Variants in USP30 observed in about 807,000 individuals in gnomAD.
USP30 encodes the protein ubiquitin specific peptidase 30.
A neutral mutation model predicts 68.2 loss-of-function variants in USP30; 41 were observed. The observed-to-expected ratio is 0.60, with a 90% confidence interval of 0.47 to 0.78. USP30 has a LOEUF of 0.78. Ranked by LOEUF, USP30 falls within the 30% of genes least tolerant of loss-of-function variation. The pLI is 0.00. For missense variants in USP30, 522 were observed against 649.4 expected (o/e 0.80, Z 2.13); for synonymous variants, 229 against 253.7 (o/e 0.90, Z 0.93).
intron 2 of USP30, among the ~76,000 whole-genome samples, chr12:109,026,561 G>T (rs2135648681): frequency 6.6e-6 from 1 of 150,764 alleles, no homozygotes; most frequent in East Asian, 2.0e-4. Flanking sequence ...CCAAGCTCAA[G>T]TGATCCTTCC....
intron 7 of USP30, among the ~76,000 whole-genome samples, chr12:109,079,935 A>T (rs1202704335): frequency 6.6e-6 from 1 of 152,194 alleles, no homozygotes; most frequent in Non-Finnish European, 1.5e-5. Context: ...CATAATAGAG[A>T]CATAGAGAGT....
At chr12:109,041,141 A>G (rs771808325) in intron 3 of USP30, among the ~76,000 whole-genome samples, 5 of 152,208 alleles carry the variant, frequency 3.3e-5, no homozygotes, top group Non-Finnish European at 5.9e-5. Context: ...AAAGAAAACA[A>G]TTGTTTCCTT....
chr12:109,025,678 C>T (rs907514813), intron 2 of USP30, among the ~76,000 whole-genome samples: 7 of 151,828 alleles, frequency 4.6e-5, no homozygotes, highest in Non-Finnish European at 1.0e-4. Context: ...GTGGAACTGC[C>T]ACTTTTTTTT....
At chr12:109,031,525 G>T (rs1566074927) in intron 3 of USP30, among the ~76,000 whole-genome samples, 1 of 152,122 alleles carries the variant, frequency 6.6e-6, no homozygotes. Flanking sequence ...TAAAAACAGG[G>T]ACTCAAACAA....
upstream of USP30, among the ~76,000 whole-genome samples, chr12:109,050,110 A>G (rs915655607): frequency 3.3e-5 from 5 of 152,350 alleles, no homozygotes; most frequent in Middle Eastern, 3.4e-3. Flanking sequence ...CCTGGCCAAT[A>G]TGGTGAAACC....
chr12:109,082,079 C>T lies in USP30; in HGVS notation c.867+60C>T, dbSNP rs113909030. 2.4e-4 allele frequency: 375 copies of T among 1,544,792 alleles called. 1 individual carries two copies. In the African/African-American group the frequency reaches 4.3e-3, roughly 18 times the overall value. On this transcript the variant is annotated intron_variant, in intron 9 of 12. Coordinates refer to ENST00000257548, the MANE Select transcript of USP30 (RefSeq NM_032663.5). ...GCCTGTGTGTGCTGATGTAGCGCCT[C>T]TCACACCAGTGACCCTGAGCTCTTC...
intron 2 of USP30, among the ~76,000 whole-genome samples, chr12:109,025,278 A>G (rs1442400046): frequency 1.3e-5 from 2 of 152,084 alleles, no homozygotes; most frequent in Admixed American, 1.3e-4. Context: ...ATGTTGGCCA[A>G]TTCCCCTGAT....
chr12:109,038,479 C>G (rs529593912), intron 3 of USP30, among the ~76,000 whole-genome samples: 1 of 151,962 alleles, frequency 6.6e-6, no homozygotes, highest in African/African-American at 2.4e-5. Context: ...GCTTTTTTTC[C>G]CTTTTAAGCT....
At chr12:109,027,989 G>T (rs933581489) in intron 3 of USP30, among the ~76,000 whole-genome samples, 2 of 152,212 alleles carry the variant, frequency 1.3e-5, no homozygotes, top group African/African-American at 4.8e-5. Context: ...TACAGCAGCT[G>T]TACCATTTTA....
intron 1 of USP30, 61 bp downstream of exon 1, chr12:109,052,822 C>G (rs577660180): frequency 7.2e-7 from 1 of 1,381,628 alleles, no homozygotes; most frequent in Non-Finnish European, 9.4e-7. Flanking sequence ...AGCTTGGGCC[C>G]GTGACGGCTT....
At chr12:109,067,759 A>G (rs2041306531) in intron 4 of USP30, 132 bp downstream of exon 4, 3 of 707,848 alleles carry the variant, frequency 4.2e-6, no homozygotes, top group Non-Finnish European at 7.1e-6. Flanking sequence ...TTCTGGGACC[A>G]GAGTACCAAC....
chr12:109,073,156 A>G (rs945795268), intron 6 of USP30, among the ~76,000 whole-genome samples: 5 of 152,248 alleles, frequency 3.3e-5, no homozygotes, highest in African/African-American at 9.6e-5. Flanking sequence ...CATTTTAAGC[A>G]TATGTTTGTA....
At position 109,083,050 on chromosome 12, in the gene USP30, G is replaced by A. The variant is rs2041849452; in HGVS notation, c.1156G>A (p.Ala386Thr). ...PTLELQDGPG[A>T]PTPVLNQPGA... ...ACTGGAGCTGCAGGATGGGCCGGGAGCCCCCACACCAGGTGTGTGCGCGCG... is the reference window on the plus strand; with the variant it reads ...ACTGGAGCTGCAGGATGGGCCGGGAACCCCCACACCAGGTGTGTGCGCGCG... The change falls in exon 11 of 13, where the codon GCC (alanine) becomes ACC (threonine). Residue 386 changes from alanine (A) to threonine (T), a missense_variant. Ala to Thr is a moderately conservative substitution (Grantham distance 58, BLOSUM62 0). Transcript: ENST00000257548. 3 of 1,610,284 alleles carry A rather than the reference G, an allele frequency of 1.9e-6. No individual in the cohort carries two copies. The South Asian group carries it at 3.3e-5, about 18-fold the overall frequency.
At chr12:109,042,044 C>T (rs1476161038) in intron 3 of USP30, among the ~76,000 whole-genome samples, 1 of 151,766 alleles carries the variant, frequency 6.6e-6, no homozygotes, top group Non-Finnish European at 1.5e-5. Flanking sequence ...AATTTTACCA[C>T]AGAGAGATAA....
chr12:109,053,384 A>G (rs898772839), intron 1 of USP30, among the ~76,000 whole-genome samples: 1 of 151,998 alleles, frequency 6.6e-6, no homozygotes, highest in Non-Finnish European at 1.5e-5. Flanking sequence ...TTAACCTGTT[A>G]AGGTTGCTTG....
At chr12:109,071,262 A>G (rs933180478) in intron 4 of USP30, among the ~76,000 whole-genome samples, 2 of 152,246 alleles carry the variant, frequency 1.3e-5, no homozygotes, top group African/African-American at 2.4e-5. Flanking sequence ...TGTTAAGATG[A>G]TAAATGTTAT....
rs1417958078 is a variant in USP30, at chr12:109,082,754, A to G, written c.948+11A>G. 2.5e-6 allele frequency: 4 copies of G among 1,613,438 alleles called. No individual in the cohort carries two copies. Among genetic ancestry groups the G allele is most frequent in the East Asian group, 2.2e-5 (1 of 44,888 alleles). ...TTAAAACTAGGGAAGGTGAGCCCAC[A>G]CTACACACCCTGTTGGCTTTGTTTT... On this transcript the variant is annotated intron_variant, in intron 10 of 12. Coordinates refer to ENST00000257548, the MANE Select transcript of USP30 (RefSeq NM_032663.5).
chr12:109,053,657 T>C (rs2135698828), intron 1 of USP30: 1 of 179,964 alleles, frequency 5.6e-6, no homozygotes, highest in East Asian at 1.6e-4. Flanking sequence ...CCCCATTCCG[T>C]AGATAGGAAG....
intron 1 of USP30, chr12:109,053,803 AT>A: frequency 3.7e-6 from 1 of 269,448 alleles, no homozygotes; most frequent in Non-Finnish European, 7.5e-6. Context: ...GTCCCTGGGT[AT>A]TTTTTCCTTA....
Sources: allele counts gnomAD v4.1 joint callset (sites outside exome capture counted in the v4.1 genomes callset), GRCh38; gene constraint gnomAD v4.1.1; transcripts MANE v1.5; gene names NCBI Gene and HGNC (gene_info 2026-07-23, HGNC 2026-07-21).